The following CYP27C1 variants were observed in gnomAD, a reference collection of about 807,000 sequenced individuals.
CYP27C1 encodes cytochrome P450 family 27 subfamily C member 1.
A neutral mutation model predicts 40.6 loss-of-function variants in CYP27C1; 29 were observed. That is an observed-to-expected ratio of 0.71 (90% CI 0.53 to 0.97). The LOEUF (loss-of-function observed/expected upper bound fraction) is 0.97. CYP27C1 is among the 50% of genes least tolerant of loss of function. The pLI, the probability that CYP27C1 is intolerant of heterozygous loss-of-function variation, is 0.00. For synonymous variants in CYP27C1, 198 were observed against 186.8 expected (o/e 1.06, Z -0.49); for missense variants, 390 against 485.8 (o/e 0.80, Z 1.85).
Position 127,208,426 on chromosome 2 carries a change from C to T in CYP27C1, c.283-2336G>A, listed in dbSNP as rs1383401533. Among the ~76,000 whole-genome samples, 5 of 152,214 alleles carry T rather than the reference C, an allele frequency of 3.3e-5. No individual in the cohort carries two copies. The highest frequency in any genetic ancestry group is 5.9e-5 in the Non-Finnish European group (4 of 68,034). ...CCCATGCCACCAGAGCCAAGCATCC[C>T]AACCCTGGTATGCACAGATTCCTAC... On this transcript the variant is annotated intron_variant, in intron 1 of 8. Coordinates refer to ENST00000664447, the MANE Select transcript of CYP27C1 (RefSeq NM_001367502.1). The surrounding 1 kb of genome is among the most constrained non-coding windows in gnomAD (Gnocchi z 5.2).
In CYP27C1 at chr2:127,187,292, C is replaced by T. The variant is rs1163854023; in HGVS notation, c.1593G>A (p.Val531=). The T allele has an allele frequency of 2.5e-6, 4 of 1,614,096 alleles. No homozygotes were observed. The highest frequency in any genetic ancestry group is 3.3e-5 in the Admixed American group (2 of 60,016). Residue 531 remains valine (V), a synonymous_variant, in exon 9 of 9, where the codon GTG becomes GTA. Coordinates refer to ENST00000664447, the MANE Select transcript of CYP27C1 (RefSeq NM_001367502.1). ...GLLTPGGPIH[V]RFVNRK is the part of the protein sequence containing the mutation. ...AGGCTTACTTTCTGTTAACAAATCGCACGTGGATGGGCCCCCCTGGCGTCA... is the reference window on the plus strand; with the variant it reads ...AGGCTTACTTTCTGTTAACAAATCGTACGTGGATGGGCCCCCCTGGCGTCA...
Position 127,188,229 on chromosome 2 carries a change from G to C in CYP27C1, c.1498-842C>G, listed in dbSNP as rs112731431. 1.4e-3 allele frequency among the ~76,000 whole-genome samples: 219 copies of C among 152,166 alleles called. 2 individuals are homozygous for C. The highest frequency in any genetic ancestry group is 5.1e-3 in the African/African-American group (212 of 41,518). On this transcript the variant is annotated intron_variant, in intron 8 of 8. Coordinates refer to ENST00000664447, the MANE Select transcript of CYP27C1 (RefSeq NM_001367502.1). Reference sequence around the variant, plus strand: ...TGTCCCCGCCCTGCCCTTCCTCTCTGTCCAGCTTTGTCTCCCAGGCAAAGA... The same window carrying C: ...TGTCCCCGCCCTGCCCTTCCTCTCTCTCCAGCTTTGTCTCCCAGGCAAAGA...
rs1175394037 is a variant in CYP27C1 at position 127,219,782 on chromosome 2, C to T, written c.282+207G>A. Among the ~76,000 whole-genome samples the T allele has an allele frequency of 6.6e-6, 1 of 151,570 alleles. No homozygotes were observed. The highest frequency in any genetic ancestry group is 1.5e-5 in the Non-Finnish European group (1 of 67,786). The stretch of plus-strand genomic sequence containing the variant: ...GGATCGCCTTTCCGGCGTCCTCTCC[C>T]CAGCGCCCCTTCCTGCGAACCTTAA... On this transcript the variant is annotated intron_variant, in intron 1 of 8. Coordinates refer to ENST00000664447, the MANE Select transcript of CYP27C1 (RefSeq NM_001367502.1). The surrounding 1 kb of genome is among the most constrained non-coding windows in gnomAD (Gnocchi z 8.7).
At chr2:127,211,347 A>G (rs1404205361) in intron 1 of CYP27C1, among the ~76,000 whole-genome samples, 3 of 150,864 alleles carry the variant, frequency 2.0e-5, no homozygotes, top group African/African-American at 7.4e-5. Flanking sequence ...TCTCTGGGAT[A>G]CAGCTAAAGC....
At chr2:127,205,337 C>T (rs1683201270) in intron 2 of CYP27C1, among the ~76,000 whole-genome samples, 1 of 152,180 alleles carries the variant, frequency 6.6e-6, no homozygotes, top group Non-Finnish European at 1.5e-5. Flanking sequence ...AGAAGTCCCA[C>T]CCCATGGGGA....
intron 6 of CYP27C1, 32 bp from the exon 7 acceptor site, chr2:127,193,899 G>T (rs768630424): frequency 8.1e-6 from 13 of 1,610,940 alleles, no homozygotes; most frequent in Admixed American, 5.0e-5. Flanking sequence ...CGGGAATGGC[G>T]TGGTGACTTT....
intron 8 of CYP27C1, among the ~76,000 whole-genome samples, chr2:127,187,657 A>G (rs1682662254): frequency 6.6e-6 from 1 of 152,242 alleles, no homozygotes; most frequent in African/African-American, 2.4e-5. Context: ...GCAGATGCTC[A>G]GATGACTTAA....
At chr2:127,189,369 G>A (rs2104671582) in intron 8 of CYP27C1, among the ~76,000 whole-genome samples, 1 of 152,122 alleles carries the variant, frequency 6.6e-6, no homozygotes, top group Non-Finnish European at 1.5e-5. Context: ...CATTTATTTG[G>A]TTAAGAAAGG....
intron 5 of CYP27C1, among the ~76,000 whole-genome samples, chr2:127,197,831 A>G (rs1398523857): frequency 6.6e-6 from 1 of 152,056 alleles, no homozygotes; most frequent in African/African-American, 2.4e-5. Flanking sequence ...ATCATATTAC[A>G]CATGTGCTTT....
intron 2 of CYP27C1, among the ~76,000 whole-genome samples, chr2:127,204,470 A>G (rs1272273256): frequency 9.8e-4 from 65 of 66,140 alleles, no homozygotes; most frequent in Non-Finnish European, 1.5e-3. Context: ...GAAAGAAAGA[A>G]AGAAAGAAAG....
In CYP27C1 at chr2:127,219,088, C is replaced by CCCGAGCCT. The variant is rs1168961864; in HGVS notation, c.282+893_282+900dup. 6.6e-6 allele frequency among the ~76,000 whole-genome samples: 1 copy of CCCGAGCCT among 152,152 alleles called. No individual in the cohort carries two copies. The highest frequency in any genetic ancestry group is 2.4e-5 in the African/African-American group (1 of 41,434). ...AACTCCGGCTTAGAGCCTACGGCACCCCGAGCCTCCGAGCCTCCGTCCCCT... is the reference window on the plus strand; with the variant it reads ...AACTCCGGCTTAGAGCCTACGGCACCCCGAGCCTCCGAGCCTCCGAGCCTCCGTCCCCT... On this transcript the variant is annotated intron_variant, in intron 1 of 8. Coordinates refer to ENST00000664447, the MANE Select transcript of CYP27C1 (RefSeq NM_001367502.1). This position sits in a 1 kb window ranked among gnomAD's most constrained non-coding sequence, Gnocchi z 8.7.
chr2:127,191,061 C>T (rs1462655228), intron 8 of CYP27C1, among the ~76,000 whole-genome samples: 1 of 151,532 alleles, frequency 6.6e-6, no homozygotes, highest in South Asian at 2.1e-4. Flanking sequence ...GCCTGGCCAA[C>T]ATGATGAATC....
rs1558931034 is a variant in CYP27C1 at position 127,204,479 on chromosome 2, AGAAAGAAAGGAAGGAAG to A, written c.474-925_474-909del. On this transcript the variant is annotated intron_variant, in intron 2 of 8. Transcript: ENST00000664447. ...AAGAAAGAAAGAAAGAAAGAAAGAA[AGAAAGAAAGGAAGGAAG>A]GAAGGAAGGAAAGAAAGAAGGAAAG... Among the ~76,000 whole-genome samples, 16 of 90,876 alleles carry A rather than the reference AGAAAGAAAGGAAGGAAG, an allele frequency of 1.8e-4. 1 individual carries two copies. The Middle Eastern group carries it at 0.02, about 115-fold the overall frequency. 59.6% of individuals were successfully genotyped at this position (90,876 alleles called of 152,430 possible). A position where few individuals can be genotyped will look rare whatever the true frequency, so the allele number is the denominator to read the frequency against.
At chr2:127,214,733 G>C (rs370629080) in intron 1 of CYP27C1, among the ~76,000 whole-genome samples, 1 of 148,068 alleles carries the variant, frequency 6.8e-6, no homozygotes, top group South Asian at 2.1e-4. Context: ...CATGGTGCAC[G>C]TACACCTATG....
rs762507235 is a variant in CYP27C1 at position 127,193,245 on chromosome 2, G to A, written c.1346C>T (p.Pro449Leu). ...YATSYQDENF[P>L]RAKEFRPERW... ...CTCAGGCCGGAACTCCTTGGCCCGA[G>A]GGAAGTTCTCATCCTGGTACGATGT... Residue 449 changes from proline (P) to leucine (L), a missense_variant, in exon 8 of 9, where the codon CCT becomes CTT. By Grantham distance (98) the Pro-to-Leu change is moderately conservative. Transcript: ENST00000664447. 1 of 1,614,204 alleles carries A rather than the reference G, an allele frequency of 6.2e-7. No homozygotes were observed. The highest frequency in any genetic ancestry group is 2.2e-5 in the East Asian group (1 of 44,880).
At chr2:127,192,474 GTA>G (rs1051023387) in intron 8 of CYP27C1, among the ~76,000 whole-genome samples, 2 of 152,214 alleles carry the variant, frequency 1.3e-5, no homozygotes, top group African/African-American at 4.8e-5. Context: ...CCAGAATTAT[GTA>G]TCTTCACATG....
At position 127,204,377 on chromosome 2, in the gene CYP27C1, GAGAA is replaced by G. The variant is rs1181526340; in HGVS notation, c.474-810_474-807del. ...GGGGGAGGGAGGAAGGAAAGAGAGAGAGAAAGAAAGAAAAGAAAGAGAGAGAGAA... is the reference window on the plus strand; with the variant it reads ...GGGGGAGGGAGGAAGGAAAGAGAGAGAGAAAGAAAAGAAAGAGAGAGAGAA... On this transcript the variant is annotated intron_variant, in intron 2 of 8. Transcript: ENST00000664447. Among the ~76,000 whole-genome samples the G allele has an allele frequency of 8.5e-3, 876 of 102,482 alleles. 45 individuals are homozygous for G. Among genetic ancestry groups the G allele is most frequent in the African/African-American group, 0.031 (807 of 25,636 alleles). The allele number at this position is 102,482 out of a possible 152,430, so 67.2% of individuals were successfully genotyped here.
At chr2:127,211,361 GTTTTTTTGTTTTTTTTTTT>G (rs1683332299) in intron 1 of CYP27C1, among the ~76,000 whole-genome samples, 1 of 103,596 alleles carries the variant, frequency 9.7e-6, no homozygotes, top group Admixed American at 1.0e-4. Context: ...CTAAAGCAGT[GTTTTTTTGTTTTTTTTTTT>G]TTTTTTTTTT....
chr2:127,217,395 G>C (rs1683451573), intron 1 of CYP27C1, among the ~76,000 whole-genome samples: 1 of 152,222 alleles, frequency 6.6e-6, no homozygotes, highest in African/African-American at 2.4e-5. Flanking sequence ...AAGAGTTCTA[G>C]AAATACTGAT....
Sources: gnomAD v4.1 joint callset for allele counts (sites outside exome capture counted in the v4.1 genomes callset) on GRCh38, gnomAD v4.1.1 for gene constraint, Gnocchi (gnomAD v3.1) non-coding constraint, MANE v1.5 for transcripts, NCBI Gene and HGNC (gene_info 2026-07-23, HGNC 2026-07-21) for gene names.